CLMN: variants seen among roughly 807,000 people sequenced by gnomAD.
The protein encoded by CLMN is calmin, also known as calmin (calponin-like, transmembrane).
In CLMN, 57 loss-of-function variants were observed where a neutral mutation model predicts 92.7. That is an observed-to-expected ratio of 0.61 (90% confidence interval 0.50 to 0.77). The LOEUF (loss-of-function observed/expected upper bound fraction) is 0.77. CLMN is among the 30% of genes least tolerant of loss of function. The pLI, the probability that CLMN is intolerant of heterozygous loss-of-function variation, is 0.00. For missense variants in CLMN, 1,158 were observed against 1,237.5 expected (o/e 0.94, Z 0.96); for synonymous variants, 466 against 470.6 (o/e 0.99, Z 0.13).
rs569976571 is a variant in CLMN, at chr14:95,307,393, TAAC to T, written c.82+12315_82+12317del. On this transcript the variant is annotated intron_variant, in intron 1 of 12. Coordinates refer to ENST00000298912, the MANE Select transcript of CLMN (RefSeq NM_024734.4). ...AAACCCACAGTAAACAAGCCATCAT[TAAC>T]AACAAATCCAAGTGTAGCAGTGCCT... 1.0e-4 allele frequency: 16 copies of T among 152,398 alleles called. 1 individual carries two copies. In the East Asian group the frequency reaches 3.1e-3, roughly 29 times the overall value. 9.4% of individuals were successfully genotyped at this position (152,398 alleles called of 1,614,324 possible).
rs1274763435 is a variant in CLMN at position 95,289,513 on chromosome 14, ACAAAC to A, written c.82+30193_82+30197del. ...AATAAATAAATAAATAAATAAACAAACAAACAAACAAAAAAACCGTTGTTCTACAT... is the reference window on the plus strand; with the variant it reads ...AATAAATAAATAAATAAATAAACAAAAAACAAAAAAACCGTTGTTCTACAT... On this transcript the variant is annotated intron_variant, in intron 1 of 12. Coordinates refer to ENST00000298912, the MANE Select transcript of CLMN (RefSeq NM_024734.4). 5.4e-5 allele frequency among the ~76,000 whole-genome samples: 5 copies of A among 92,904 alleles called. No individual in the cohort carries two copies. The East Asian group carries it at 1.6e-3, about 30-fold the overall frequency. 60.9% of individuals were successfully genotyped at this position (92,904 alleles called of 152,430 possible).
rs552506877 is a variant in CLMN, at chr14:95,277,955, G to A, written c.82+41756C>T. Among the ~76,000 whole-genome samples, 2 of 152,186 alleles carry A rather than the reference G, an allele frequency of 1.3e-5. 1 individual carries two copies. Among genetic ancestry groups the A allele is most frequent in the Non-Finnish European group, 2.9e-5 (2 of 68,026 alleles). The stretch of plus-strand genomic sequence containing the variant: ...CTTTGTCTATTCATGATGGCAGCCT[G>A]GGTTCATTCTCAGCCTAGGGAATAA... On this transcript the variant is annotated intron_variant, in intron 1 of 12. Coordinates refer to ENST00000298912, the MANE Select transcript of CLMN (RefSeq NM_024734.4).
chr14:95,220,651 T>C lies in CLMN; in HGVS notation c.324+1040A>G, dbSNP rs140807539. ...TCCTAGAACTACTGGGAGGGGACTA[T>C]TGGGAAGCAGAGCCTACCCCTGTTC... On this transcript the variant is annotated intron_variant, in intron 4 of 12. Transcript: ENST00000298912. Among the ~76,000 whole-genome samples, 173 of 152,250 alleles carry C rather than the reference T, an allele frequency of 1.1e-3. 1 individual carries two copies. The highest frequency in any genetic ancestry group is 3.9e-3 in the African/African-American group (161 of 41,554).
At chr14:95,250,068 G>C (rs1898723434) in intron 1 of CLMN, among the ~76,000 whole-genome samples, 1 of 152,200 alleles carries the variant, frequency 6.6e-6, no homozygotes, top group Non-Finnish European at 1.5e-5. Flanking sequence ...GTGCGAAGCT[G>C]GATTACACAA....
chr14:95,309,256 A>G (rs1901423091), intron 1 of CLMN, among the ~76,000 whole-genome samples: 1 of 152,222 alleles, frequency 6.6e-6, no homozygotes, highest in African/African-American at 2.4e-5. Flanking sequence ...CCATATTTTA[A>G]TGATGCTCTC....
At chr14:95,308,957 G>C (rs1901407258) in intron 1 of CLMN, among the ~76,000 whole-genome samples, 1 of 152,192 alleles carries the variant, frequency 6.6e-6, no homozygotes, top group African/African-American at 2.4e-5. Context: ...AAAATGGGAA[G>C]TGTGGTTATC....
Position 95,319,813 on chromosome 14 carries a change from C to G in CLMN, c.-21G>C. The G allele has an allele frequency of 7.3e-7, 1 of 1,361,922 alleles. No homozygotes were observed. Among genetic ancestry groups the G allele is most frequent in the Non-Finnish European group, 9.5e-7 (1 of 1,053,012 alleles). 84.4% of individuals were successfully genotyped at this position (1,361,922 alleles called of 1,614,324 possible). ...GCCATGAAGCGCGGGCGGGAGAGCC[C>G]GGGCCAGCGCGGCGCGGGCGGCGGG... On this transcript the variant is annotated 5_prime_UTR_variant, in exon 1 of 13. Coordinates refer to ENST00000298912, the MANE Select transcript of CLMN (RefSeq NM_024734.4).
At position 95,202,732 on chromosome 14, in the gene CLMN, A is replaced by C. The variant is rs115644573; in HGVS notation, c.2511+106T>G. On this transcript the variant is annotated intron_variant, in intron 9 of 12. Transcript: ENST00000298912. Reference sequence around the variant, plus strand: ...TTTTGCACCATAGTAGTCCCAAGGGAAGCCCCCTCATCGCTATTTTATGGA... The same window carrying C: ...TTTTGCACCATAGTAGTCCCAAGGGCAGCCCCCTCATCGCTATTTTATGGA... The C allele has an allele frequency of 7.5e-4, 940 of 1,247,872 alleles. 7 individuals carry two copies. The African/African-American group carries it at 0.012, about 16-fold the overall frequency. 77.3% of individuals were successfully genotyped at this position (1,247,872 alleles called of 1,614,324 possible).
chr14:95,272,069 C>A (rs1038379861), intron 1 of CLMN, among the ~76,000 whole-genome samples: 1 of 152,070 alleles, frequency 6.6e-6, no homozygotes, highest in African/African-American at 2.4e-5. Flanking sequence ...GCATCTTGTC[C>A]CAGAGAAAAT....
intron 1 of CLMN, among the ~76,000 whole-genome samples, chr14:95,307,972 T>C (rs183990152): frequency 1.4e-4 from 22 of 152,314 alleles, no homozygotes; most frequent in African/African-American, 5.3e-4. Context: ...CCCAGAGGTT[T>C]ACGTCAGCCT....
chr14:95,216,776 T>C (rs146280567), intron 4 of CLMN, among the ~76,000 whole-genome samples: 1 of 152,252 alleles, frequency 6.6e-6, no homozygotes, highest in African/African-American at 2.4e-5. Flanking sequence ...CACAGAATGA[T>C]GCTCCTGGTA....
Position 95,259,191 on chromosome 14 carries a change from G to A in CLMN, c.83-29058C>T, listed in dbSNP as rs1326203999. Among the ~76,000 whole-genome samples, 5 of 152,040 alleles carry A rather than the reference G, an allele frequency of 3.3e-5. No homozygotes were observed. The highest frequency in any genetic ancestry group is 3.8e-4 in the East Asian group (2 of 5,198). ...GCAGGCTGGAGCGGAGAGCTGTGCCGGCCAGCAGGGCTAGGAAAGCAGTGG... is the reference window on the plus strand; with the variant it reads ...GCAGGCTGGAGCGGAGAGCTGTGCCAGCCAGCAGGGCTAGGAAAGCAGTGG... On this transcript the variant is annotated intron_variant, in intron 1 of 12. Coordinates refer to ENST00000298912, the MANE Select transcript of CLMN (RefSeq NM_024734.4). This position sits in a 1 kb window ranked among gnomAD's most constrained non-coding sequence, Gnocchi z 4.3.
chr14:95,296,471 C>T (rs1287944088), intron 1 of CLMN, among the ~76,000 whole-genome samples: 1 of 152,250 alleles, frequency 6.6e-6, no homozygotes, highest in Admixed American at 6.5e-5. Context: ...ATCAGAACCT[C>T]TTGTTCTTAG....
At chr14:95,286,755 C>T (rs1278150353) in intron 1 of CLMN, among the ~76,000 whole-genome samples, 1 of 152,182 alleles carries the variant, frequency 6.6e-6, no homozygotes, top group East Asian at 1.9e-4. Context: ...GACTGCCCTT[C>T]CATGAGGCAG....
In CLMN at chr14:95,252,828, G is replaced by A. The variant is rs374873040; in HGVS notation, c.83-22695C>T. ...AGTGAGTGCTGTCACGTGTGATGCC[G>A]GGAGGGTAAAGCATCCTGCCCCCAT... On this transcript the variant is annotated intron_variant, in intron 1 of 12. Transcript: ENST00000298912. 7.9e-5 allele frequency among the ~76,000 whole-genome samples: 12 copies of A among 152,310 alleles called. No homozygotes were observed. In the East Asian group the frequency reaches 1.2e-3, roughly 15 times the overall value.
At chr14:95,268,413 C>T (rs1296798694) in intron 1 of CLMN, among the ~76,000 whole-genome samples, 1 of 150,916 alleles carries the variant, frequency 6.6e-6, no homozygotes, top group Admixed American at 6.6e-5. Flanking sequence ...ATGATTACAC[C>T]ACCATGATTC....
At chr14:95,270,614 T>C (rs1054768403) in intron 1 of CLMN, among the ~76,000 whole-genome samples, 3 of 152,212 alleles carry the variant, frequency 2.0e-5, no homozygotes, top group Admixed American at 1.3e-4. Flanking sequence ...TCAAGGTTTA[T>C]CCATGGAACA....
At chr14:95,280,487 G>A (rs1695489562) in intron 1 of CLMN, among the ~76,000 whole-genome samples, 1 of 152,152 alleles carries the variant, frequency 6.6e-6, no homozygotes, top group African/African-American at 2.4e-5. Context: ...AATGAATAGA[G>A]GTTTTTGCTT....
At chr14:95,244,674 C>T (rs1595618322) in intron 1 of CLMN, among the ~76,000 whole-genome samples, 1 of 152,284 alleles carries the variant, frequency 6.6e-6, no homozygotes, top group East Asian at 1.9e-4. Flanking sequence ...TCTATATATG[C>T]TATGAAAACT....
Sources: allele counts gnomAD v4.1 joint callset (sites outside exome capture counted in the v4.1 genomes callset), GRCh38; gene constraint gnomAD v4.1.1; non-coding constraint Gnocchi (gnomAD v3.1); transcripts MANE v1.5; gene names NCBI Gene and HGNC (gene_info 2026-07-23, HGNC 2026-07-21).